The following PDE10A variants were observed in gnomAD, a reference collection of about 807,000 sequenced individuals.
PDE10A encodes the protein cAMP and cAMP-inhibited cGMP 3',5'-cyclic phosphodiesterase 10A.
PDE10A carries 39 observed loss-of-function variants against 97.7 expected under a neutral mutation model. The observed-to-expected ratio is 0.40, with a 90% CI of 0.31 to 0.52. PDE10A has a LOEUF of 0.52. Ranked by LOEUF, PDE10A falls within the 20% of genes least tolerant of loss-of-function variation. The pLI, the probability that PDE10A is intolerant of heterozygous loss-of-function variation, is 0.56. For missense variants in PDE10A, 731 were observed against 1,047.8 expected (o/e 0.70, Z 4.17); for synonymous variants, 371 against 376.8 (o/e 0.98, Z 0.18).
At chr6:165,358,225 G>A (rs1783156331) in intron 18 of PDE10A, among the ~76,000 whole-genome samples, 1 of 152,052 alleles carries the variant, frequency 6.6e-6, no homozygotes, top group Non-Finnish European at 1.5e-5. Flanking sequence ...TCACAATAGT[G>A]TCGTTTAGAT....
intron 1 of PDE10A, among the ~76,000 whole-genome samples, chr6:165,873,354 C>G (rs1172328388): frequency 6.6e-6 from 1 of 152,196 alleles, no homozygotes; most frequent in Non-Finnish European, 1.5e-5. Context: ...GACAGCAATG[C>G]AGAGAGGTCA....
chr6:165,967,373 T>C (rs772535846), intron 1 of PDE10A, among the ~76,000 whole-genome samples: 1 of 152,180 alleles, frequency 6.6e-6, no homozygotes, highest in African/African-American at 2.4e-5. Flanking sequence ...GGTGCATGCC[T>C]GTAATCCCAG....
chr6:165,953,555 CACTCCAGCCTGGGTG>C (rs1205175993), intron 1 of PDE10A, among the ~76,000 whole-genome samples: 2 of 151,396 alleles, frequency 1.3e-5, no homozygotes, highest in African/African-American at 4.9e-5. Context: ...TGTGCCACTG[CACTCCAGCCTGGGTG>C]ACAGAATGAG....
In PDE10A at chr6:165,976,858, T is replaced by C. The variant is rs147671888; in HGVS notation, c.-615+10671A>G. Among the ~76,000 whole-genome samples, 1,343 of 152,274 alleles carry C rather than the reference T, an allele frequency of 8.8e-3. 23 individuals carry two copies. Among genetic ancestry groups the C allele is most frequent in the South Asian group, 0.057 (274 of 4,820 alleles). ...AGGGCCCTCCTCGGGCTGTGCGCCA[T>C]GCCATCCTCCTGTCCCCACCTTCCC... On this transcript the variant is annotated intron_variant, in intron 1 of 19. Transcript: ENST00000366882.
intron 2 of PDE10A, among the ~76,000 whole-genome samples, chr6:165,520,818 G>C (rs1159206966): frequency 2.0e-5 from 3 of 152,086 alleles, no homozygotes; most frequent in Non-Finnish European, 4.4e-5. Flanking sequence ...GTATTGGGTG[G>C]ACTGGACAAT....
Position 165,710,767 on chromosome 6 carries a change from A to G in PDE10A, c.-614-167199T>C, listed in dbSNP as rs1019927790. Among the ~76,000 whole-genome samples, 12 of 152,346 alleles carry G rather than the reference A, an allele frequency of 7.9e-5. 1 individual carries two copies. The East Asian group carries it at 2.3e-3, about 29-fold the overall frequency. On this transcript the variant is annotated intron_variant, in intron 1 of 19. Coordinates refer to the PDE10A transcript ENST00000366882. ...GTTAAATGACTAATTTGGCTGCTGT[A>G]TTAATCAAGAAAGTACCCAACTTAA...
intron 8 of PDE10A, among the ~76,000 whole-genome samples, chr6:165,430,608 A>C (rs1324569936): frequency 8.7e-6 from 1 of 114,442 alleles, no homozygotes; most frequent in African/African-American, 2.7e-5. Flanking sequence ...GGACTTATAA[A>C]GATGTTAAGA....
At chr6:165,401,262 A>G (rs988947598) in intron 13 of PDE10A, among the ~76,000 whole-genome samples, 1 of 152,210 alleles carries the variant, frequency 6.6e-6, no homozygotes, top group Non-Finnish European at 1.5e-5. Context: ...AATTTCAGCA[A>G]AAAAGTCACG....
chr6:165,915,345 C>A (rs998394559), intron 1 of PDE10A, among the ~76,000 whole-genome samples: 6 of 152,080 alleles, frequency 3.9e-5, no homozygotes, highest in Non-Finnish European at 8.8e-5. Flanking sequence ...TGAGCATAAA[C>A]CAAAAAATAA....
intron 1 of PDE10A, among the ~76,000 whole-genome samples, chr6:165,556,412 G>C (rs767654024): frequency 6.6e-6 from 1 of 152,242 alleles, no homozygotes; most frequent in African/African-American, 2.4e-5. Context: ...CTGCCTTGAA[G>C]ACAGCTGTGA....
intron 1 of PDE10A, among the ~76,000 whole-genome samples, chr6:165,790,438 GA>G (rs1469813068): frequency 1.3e-5 from 2 of 152,172 alleles, no homozygotes; most frequent in African/African-American, 4.8e-5. Context: ...GATTGTTCCT[GA>G]GTTAACCTAA....
intron 1 of PDE10A, among the ~76,000 whole-genome samples, chr6:165,877,334 T>C (rs1370250681): frequency 6.6e-6 from 1 of 152,166 alleles, no homozygotes; most frequent in Non-Finnish European, 1.5e-5. Context: ...CTCACCTTCC[T>C]ATCTCCCCAA....
chr6:165,632,003 C>T (rs1470639910), intron 1 of PDE10A, among the ~76,000 whole-genome samples: 3 of 151,624 alleles, frequency 2.0e-5, no homozygotes, highest in African/African-American at 7.3e-5. Flanking sequence ...GAGTTTGAGA[C>T]CAGCCTGACC....
Position 165,504,750 on chromosome 6 carries a change from T to C in PDE10A, c.995-22407A>G, listed in dbSNP as rs138144298. Among the ~76,000 whole-genome samples the C allele has an allele frequency of 3.3e-4, 50 of 152,200 alleles. No homozygotes were observed. In the East Asian group the frequency reaches 8.3e-3, roughly 25 times the overall value. ...TCTTACTAATAATAACCTAATATAT[T>C]AAATAGATTAAAAGAAATATGGTGG... On this transcript the variant is annotated intron_variant, in intron 2 of 21. Transcript: ENST00000539869.
At chr6:165,952,900 T>G (rs565747848) in intron 1 of PDE10A, among the ~76,000 whole-genome samples, 5 of 151,854 alleles carry the variant, frequency 3.3e-5, no homozygotes, top group Admixed American at 6.6e-5. Flanking sequence ...CCAAAAGTAG[T>G]TGTGGTTTTT....
chr6:165,889,224 T>C (rs1781711306), intron 1 of PDE10A, among the ~76,000 whole-genome samples: 1 of 152,194 alleles, frequency 6.6e-6, no homozygotes, highest in Admixed American at 6.5e-5. Flanking sequence ...CTCTATGGTG[T>C]AAATCATGGT....
At chr6:165,839,975 C>CTT (rs1780204708) in intron 1 of PDE10A, among the ~76,000 whole-genome samples, 101 of 151,530 alleles carry the variant, frequency 6.7e-4, no homozygotes, top group Non-Finnish European at 7.8e-4. Flanking sequence ...CTGTCTTCAT[C>CTT]CCCATCCCCA....
intron 17 of PDE10A, among the ~76,000 whole-genome samples, chr6:165,380,964 C>T (rs561365806): frequency 7.9e-5 from 12 of 152,356 alleles, no homozygotes; most frequent in African/African-American, 4.8e-5. Context: ...CTGGTGCTCA[C>T]GCACACATCT....
At chr6:165,593,287 C>T (rs1786390446) in intron 1 of PDE10A, among the ~76,000 whole-genome samples, 2 of 151,974 alleles carry the variant, frequency 1.3e-5, no homozygotes, top group African/African-American at 2.4e-5. Flanking sequence ...CATCACACAC[C>T]GGGGCCTGTC....
Sources: allele counts gnomAD v4.1 joint callset (sites outside exome capture counted in the v4.1 genomes callset), GRCh38; gene constraint gnomAD v4.1.1; transcripts MANE v1.5; gene names NCBI Gene and HGNC (gene_info 2026-07-23, HGNC 2026-07-21).